PREP: variants seen among roughly 807,000 people sequenced by gnomAD.
PREP encodes the protein prolyl endopeptidase.
In PREP, 29 loss-of-function variants were observed where a neutral mutation model predicts 87.6. The ratio of observed to expected loss-of-function variants is 0.33; its 90% CI spans 0.25 to 0.45. PREP has a LOEUF of 0.45. Among genes scored for constraint, PREP ranks in the 20% least tolerant of loss-of-function variants. The pLI, the probability that PREP is intolerant of heterozygous loss-of-function variation, is 1.00. For missense variants in PREP, 695 were observed against 886.5 expected (o/e 0.78, Z 2.74); for synonymous variants, 337 against 328.6 (o/e 1.03, Z -0.28).
chr6:105,310,124 G>A (rs1052502022), intron 10 of PREP, among the ~76,000 whole-genome samples: 1 of 152,226 alleles, frequency 6.6e-6, no homozygotes, highest in African/African-American at 2.4e-5. Context: ...AAAAGTAATC[G>A]GAAGAAGAGA....
chr6:105,287,710 G>GTTC (rs1233720912), intron 11 of PREP, among the ~76,000 whole-genome samples: 2 of 152,182 alleles, frequency 1.3e-5, no homozygotes, highest in African/African-American at 4.8e-5. Flanking sequence ...AAACAGAAAA[G>GTTC]ATCCTGGATG....
intron 2 of PREP, among the ~76,000 whole-genome samples, chr6:105,379,563 T>C (rs138094556): frequency 2.5e-4 from 38 of 152,302 alleles, no homozygotes; most frequent in African/African-American, 9.1e-4. Flanking sequence ...GTTAAGGTCA[T>C]GCAGTGAGTT....
intron 10 of PREP, among the ~76,000 whole-genome samples, chr6:105,309,087 GGTGAGGGAGAGTGGCAGGAGATGA>G (rs1770706888): frequency 1.3e-5 from 2 of 152,128 alleles, no homozygotes; most frequent in South Asian, 4.1e-4. Context: ...GCAGCAGGCG[GGTGAGGGAGAGTGGCAGGAGATGA>G]GTGAGGGAGA....
intron 14 of PREP, chr6:105,281,458 G>C (rs1238263864): frequency 3.7e-6 from 1 of 270,004 alleles, no homozygotes; most frequent in Non-Finnish European, 7.1e-6. Flanking sequence ...TGAATATCCT[G>C]CTCCCTGACA....
intron 7 of PREP, among the ~76,000 whole-genome samples, chr6:105,338,348 C>A (rs1771532805): frequency 6.6e-6 from 1 of 152,224 alleles, no homozygotes; most frequent in Non-Finnish European, 1.5e-5. Flanking sequence ...GTAGAAATTT[C>A]CTTCAGTACT....
At chr6:105,401,590 A>C (rs1385190514) in intron 1 of PREP, among the ~76,000 whole-genome samples, 9 of 150,700 alleles carry the variant, frequency 6.0e-5, no homozygotes, top group Admixed American at 6.6e-5. Flanking sequence ...TTCCAGCAGG[A>C]TCACTTTACT....
intron 6 of PREP, among the ~76,000 whole-genome samples, chr6:105,367,353 C>G (rs545475386): frequency 1.3e-5 from 2 of 152,078 alleles, no homozygotes; most frequent in South Asian, 2.1e-4. Flanking sequence ...GTGAGAAAAA[C>G]AACAATAGCA....
intron 7 of PREP, among the ~76,000 whole-genome samples, chr6:105,337,457 C>T (rs1424105576): frequency 6.6e-6 from 1 of 152,170 alleles, no homozygotes; most frequent in Non-Finnish European, 1.5e-5. Context: ...CACATCCTGT[C>T]TTCCCCGACC....
At chr6:105,370,008 T>A (rs1772493533) in intron 5 of PREP, among the ~76,000 whole-genome samples, 1 of 151,930 alleles carries the variant, frequency 6.6e-6, no homozygotes, top group African/African-American at 2.4e-5. Flanking sequence ...TCCCAGCACT[T>A]TGGGAGGCCG....
chr6:105,313,574 TATTA>T (rs1319916628), intron 10 of PREP, among the ~76,000 whole-genome samples: 2 of 152,230 alleles, frequency 1.3e-5, no homozygotes, highest in Admixed American at 6.5e-5. Flanking sequence ...CTGCTAATCC[TATTA>T]ATTGTCTACC....
intron 6 of PREP, among the ~76,000 whole-genome samples, chr6:105,367,440 G>A (rs554406014): frequency 5.9e-5 from 9 of 152,122 alleles, no homozygotes; most frequent in Non-Finnish European, 8.8e-5. Context: ...TTGGGAGGCC[G>A]AAGCGGGCGG....
At chr6:105,313,443 C>G (rs1770800289) in intron 10 of PREP, among the ~76,000 whole-genome samples, 1 of 152,212 alleles carries the variant, frequency 6.6e-6, no homozygotes, top group Non-Finnish European at 1.5e-5. Context: ...TGCTGGCAAA[C>G]TAAAATGTTG....
At position 105,373,440 on chromosome 6, in the gene PREP, C is replaced by T; in HGVS notation, c.524G>A (p.Cys175Tyr). 1.2e-6 allele frequency: 2 copies of T among 1,614,204 alleles called. No homozygotes were observed. The highest frequency in any genetic ancestry group is 1.7e-6 in the Non-Finnish European group (2 of 1,180,038). ...PDVLERVKFS[C>Y]MAWTHDGKGM... ...CTTCCCATCATGGGTCCAGGCCATA[C>T]AGCTGAACTTGACTCTTTCAAGCAC... Residue 175 changes from cysteine (C) to tyrosine (Y), a missense_variant, in exon 5 of 15, where the codon TGT becomes TAT. By Grantham distance (194) the Cys-to-Tyr change is radical (BLOSUM62 -2). Transcript: ENST00000652536.
At chr6:105,364,527 C>A (rs1465077382) in intron 6 of PREP, among the ~76,000 whole-genome samples, 2 of 152,176 alleles carry the variant, frequency 1.3e-5, no homozygotes, top group Admixed American at 6.5e-5. Flanking sequence ...CCAGAGAAAT[C>A]TGCACACGTC....
At chr6:105,329,127 G>T in intron 8 of PREP, 101 bp from the exon 9 acceptor site, 1 of 1,091,452 alleles carries the variant, frequency 9.2e-7, no homozygotes, top group Non-Finnish European at 1.3e-6. Context: ...GGGCTATGCA[G>T]CAATGAGACT....
At chr6:105,309,284 A>C (rs1770711207) in intron 10 of PREP, among the ~76,000 whole-genome samples, 1 of 152,196 alleles carries the variant, frequency 6.6e-6, no homozygotes, top group Non-Finnish European at 1.5e-5. Flanking sequence ...CTCAGAACTG[A>C]CTGCCCTGCC....
chr6:105,276,437 C>T lies in PREP; in HGVS notation c.*1707G>A, dbSNP rs1311660534. Among the ~76,000 whole-genome samples the T allele has an allele frequency of 6.6e-6, 1 of 152,194 alleles. No individual in the cohort carries two copies. The highest frequency in any genetic ancestry group is 2.4e-5 in the African/African-American group (1 of 41,456). On this transcript the variant is annotated 3_prime_UTR_variant, in exon 15 of 15. Coordinates refer to ENST00000652536, the MANE Select transcript of PREP (RefSeq NM_002726.5). ...GAAAATGCTCTGGACTCAGTGGGTCCAACTCAGCTATTTGTACTTCACACC... is the reference window on the plus strand; with the variant it reads ...GAAAATGCTCTGGACTCAGTGGGTCTAACTCAGCTATTTGTACTTCACACC...
chr6:105,352,868 G>A, intron 7 of PREP, 104 bp downstream of exon 7: 1 of 969,930 alleles, frequency 1.0e-6, no homozygotes, highest in Non-Finnish European at 1.6e-6. Flanking sequence ...GACATGATGT[G>A]GTAGAATGGA....
rs190626215 is a variant in PREP at position 105,303,787 on chromosome 6, A to G, written c.1318-14893T>C. ...AGTTAGCCAAGGTTCTGCAGACAGA[A>G]CCTAGTGACAGAACCTTGCAAGCTA... is the stretch of plus-strand genomic sequence containing the variant. On this transcript the variant is annotated intron_variant, in intron 10 of 14. Transcript: ENST00000652536. Among the ~76,000 whole-genome samples the G allele has an allele frequency of 2.9e-3, 440 of 152,298 alleles. 2 individuals carry two copies. Among genetic ancestry groups the G allele is most frequent in the Non-Finnish European group, 7.2e-4 (49 of 68,012 alleles).
Sources: allele counts gnomAD v4.1 joint callset (sites outside exome capture counted in the v4.1 genomes callset), GRCh38; gene constraint gnomAD v4.1.1; transcripts MANE v1.5; gene names NCBI Gene and HGNC (gene_info 2026-07-23, HGNC 2026-07-21).